Variants in ZNF827 observed in about 807,000 individuals in gnomAD.
ZNF827 encodes zinc finger protein 827.
Under a neutral mutation model 102.4 loss-of-function variants are expected in ZNF827, and 13 were observed. The observed-to-expected ratio is 0.13, with a 90% CI of 0.08 to 0.20. The LOEUF (loss-of-function observed/expected upper bound fraction) is 0.20, where lower values mean the gene tolerates loss of function less well. Among genes scored for constraint, ZNF827 ranks in the 10% least tolerant of loss-of-function variants. The pLI, the probability that ZNF827 is intolerant of heterozygous loss-of-function variation, is 1.00. For synonymous variants in ZNF827, 523 were observed against 536.2 expected, an observed-to-expected ratio of 0.98 and a Z score of 0.34; for missense variants, 1,103 against 1,344.4, an observed-to-expected ratio of 0.82 and a Z score of 2.81.
At position 145,896,744 on chromosome 4, in the gene ZNF827, G is replaced by A. The variant is rs567600221; in HGVS notation, c.1094-4329C>T. On this transcript the variant is annotated intron_variant, in intron 2 of 14. Transcript: ENST00000508784. ...TGGATGGATAAACAGATAAATGTTC[G>A]TGTACTTAGACCTCAGCTATTTCCA... is the stretch of plus-strand genomic sequence containing the variant. 5.3e-5 allele frequency among the ~76,000 whole-genome samples: 8 copies of A among 152,286 alleles called. No individual in the cohort carries two copies. The East Asian group carries it at 1.5e-3, about 29-fold the overall frequency.
intron 7 of ZNF827, among the ~76,000 whole-genome samples, chr4:145,836,494 T>G (rs1224923622): frequency 1.3e-5 from 2 of 152,208 alleles, no homozygotes; most frequent in Non-Finnish European, 2.9e-5. Flanking sequence ...TGTATTGTCT[T>G]CCTCATACCT....
At chr4:145,782,760 C>T (rs1444455023) in intron 8 of ZNF827, among the ~76,000 whole-genome samples, 1 of 152,190 alleles carries the variant, frequency 6.6e-6, no homozygotes, top group African/African-American at 2.4e-5. Flanking sequence ...CTGGCTTTGG[C>T]CACCTCCCAC....
In ZNF827 at chr4:145,886,216, C is replaced by T. The variant is rs376538692; in HGVS notation, c.1267-58G>A. 2.5e-4 allele frequency: 376 copies of T among 1,526,908 alleles called. 4 individuals carry two copies. In the South Asian group the frequency reaches 4.7e-3, roughly 19 times the overall value. The allele number at this position is 1,526,908 out of a possible 1,614,324, so 94.6% of individuals were successfully genotyped here. A position where few individuals can be genotyped will look rare whatever the true frequency, so the allele number is the denominator to read the frequency against. On this transcript the variant is annotated intron_variant, in intron 3 of 14. Transcript: ENST00000508784. ...CCGTGCATTTATGGAAAATGCCTTG[C>T]TGTAGATCCAGACTATTCATCAATC...
intron 1 of ZNF827, among the ~76,000 whole-genome samples, chr4:145,920,570 A>G (rs148280056): frequency 3.1e-3 from 466 of 152,318 alleles, no homozygotes; most frequent in Non-Finnish European, 5.0e-3. Flanking sequence ...GGTACTGTTC[A>G]TCGCCTCCTA....
Position 145,762,955 on chromosome 4 carries a change from G to A in ZNF827, c.*17+135C>T, listed in dbSNP as rs1238571278. ...AGAGCCCAACACAACCAAGTGCACC[G>A]TGCACGGCCTCCTCAGCGCCAAGCT... On this transcript the variant is annotated intron_variant, in intron 14 of 14. Transcript: ENST00000508784. This position sits in a 1 kb window ranked among gnomAD's most constrained non-coding sequence, Gnocchi z 4.9. The A allele has an allele frequency of 4.0e-5, 32 of 800,000 alleles. No individual in the cohort carries two copies. The highest frequency in any genetic ancestry group is 5.2e-5 in the African/African-American group (3 of 57,912). The allele number at this position is 800,000 out of a possible 1,614,324, so 49.6% of individuals were successfully genotyped here.
chr4:145,905,631 A>G (rs1364732676), intron 1 of ZNF827, among the ~76,000 whole-genome samples: 4 of 152,148 alleles, frequency 2.6e-5, no homozygotes, highest in African/African-American at 7.2e-5. Context: ...TCTTGGAGAG[A>G]TGCTTTTTAC....
chr4:145,846,087 G>T, intron 6 of ZNF827, 74 bp from the exon 7 acceptor site: 1 of 1,418,916 alleles, frequency 7.0e-7, no homozygotes, highest in East Asian at 2.3e-5. Flanking sequence ...GCCTTAAGCA[G>T]AAAAACCCTC....
rs114944688 is a variant in ZNF827 at position 145,853,898 on chromosome 4, G to A, written c.1982-4337C>T. Reference sequence around the variant, plus strand: ...GAGGATCATCTGAGCCTGGGAGGTCGAGGCTGCAGTAAGCCCTGATTGCAC... The same window carrying A: ...GAGGATCATCTGAGCCTGGGAGGTCAAGGCTGCAGTAAGCCCTGATTGCAC... On this transcript the variant is annotated intron_variant, in intron 5 of 14. Transcript: ENST00000508784. Among the ~76,000 whole-genome samples, 1,216 of 152,104 alleles carry A rather than the reference G, an allele frequency of 8.0e-3. 9 individuals carry two copies. Among genetic ancestry groups the A allele is most frequent in the African/African-American group, 0.026 (1,081 of 41,494 alleles).
chr4:145,902,142 T>C lies in ZNF827; in HGVS notation c.1093+24A>G. 1.3e-6 allele frequency: 2 copies of C among 1,560,960 alleles called. No individual in the cohort carries two copies. The highest frequency in any genetic ancestry group is 1.7e-6 in the Non-Finnish European group (2 of 1,159,504). On this transcript the variant is annotated intron_variant, in intron 2 of 14. Transcript: ENST00000508784. This position sits in a 1 kb window ranked among gnomAD's most constrained non-coding sequence, Gnocchi z 4.3. ...TTTATAGTCTAAAGGACTTACACGA[T>C]GATTGAAAGAAAAGATGCCATACCT...
intron 1 of ZNF827, among the ~76,000 whole-genome samples, chr4:145,923,828 T>G (rs1170706107): frequency 6.6e-6 from 1 of 152,208 alleles, no homozygotes; most frequent in Non-Finnish European, 1.5e-5. Flanking sequence ...TCTACCATGA[T>G]ATAGATAAAT....
intron 8 of ZNF827, among the ~76,000 whole-genome samples, chr4:145,809,782 C>A (rs1184430923): frequency 2.6e-5 from 4 of 152,122 alleles, no homozygotes; most frequent in Non-Finnish European, 5.9e-5. Flanking sequence ...ATTTTCTATA[C>A]CCCTATGATT....
rs907934019 is a variant in ZNF827, at chr4:145,856,155, C to T, written c.1982-6594G>A. ...GATTACAGTCTTGCGCCACCATGCA[C>T]GGCTAATTTTTTGTATTTTTAGTAG... is the stretch of plus-strand genomic sequence containing the variant. On this transcript the variant is annotated intron_variant, in intron 5 of 14. Coordinates refer to ENST00000508784, the MANE Select transcript of ZNF827 (RefSeq NM_001306215.2). Among the ~76,000 whole-genome samples the T allele has an allele frequency of 1.1e-4, 16 of 152,106 alleles. No homozygotes were observed. In the Middle Eastern group the frequency reaches 0.01, roughly 97 times the overall value.
At chr4:145,766,040 T>G (rs1419180425) in intron 11 of ZNF827, among the ~76,000 whole-genome samples, 1 of 152,254 alleles carries the variant, frequency 6.6e-6, no homozygotes, top group African/African-American at 2.4e-5. Context: ...TTCCAGGAAC[T>G]GTATTATACT....
intron 1 of ZNF827, among the ~76,000 whole-genome samples, chr4:145,929,149 T>C (rs772657390): frequency 8.5e-5 from 13 of 152,258 alleles, no homozygotes; most frequent in Non-Finnish European, 1.8e-4. Context: ...TTTCCCACTG[T>C]GCTCACATAT....
chr4:145,910,322 A>C (rs1483808435), intron 1 of ZNF827, among the ~76,000 whole-genome samples: 2 of 152,192 alleles, frequency 1.3e-5, no homozygotes, highest in African/African-American at 4.8e-5. Context: ...TAAAGTGCTT[A>C]GCCAGACCTT....
chr4:145,794,549 T>C (rs184262576), intron 8 of ZNF827, among the ~76,000 whole-genome samples: 223 of 150,342 alleles, frequency 1.5e-3, no homozygotes, highest in African/African-American at 5.3e-3. Flanking sequence ...TAGCCAGGTA[T>C]GGTGGTGTGT....
chr4:145,900,053 T>C (rs2126878473), intron 2 of ZNF827, among the ~76,000 whole-genome samples: 1 of 152,348 alleles, frequency 6.6e-6, no homozygotes, highest in East Asian at 1.9e-4. Context: ...ACATAGCTTT[T>C]CCCTTGGGTG....
At chr4:145,779,169 T>C (rs374141812) in intron 9 of ZNF827, among the ~76,000 whole-genome samples, 1 of 152,264 alleles carries the variant, frequency 6.6e-6, no homozygotes, top group East Asian at 1.9e-4. Context: ...TCATCGGTCC[T>C]ACCTGGAACT....
At chr4:145,859,099 G>C (rs1451985532) in intron 5 of ZNF827, among the ~76,000 whole-genome samples, 1 of 152,168 alleles carries the variant, frequency 6.6e-6, no homozygotes, top group East Asian at 1.9e-4. Context: ...AGCAGGCAGG[G>C]AAGGGCTGAT....
Sources: gnomAD v4.1 joint callset for allele counts (sites outside exome capture counted in the v4.1 genomes callset) on GRCh38, gnomAD v4.1.1 for gene constraint, Gnocchi (gnomAD v3.1) non-coding constraint, MANE v1.5 for transcripts, NCBI Gene and HGNC (gene_info 2026-07-23, HGNC 2026-07-21) for gene names.